Variants in HECW1 observed in about 807,000 individuals in gnomAD.
HECW1 encodes the protein E3 ubiquitin-protein ligase HECW1.
HECW1 carries 61 observed loss-of-function variants against 182.3 expected under a neutral mutation model. That is an observed-to-expected ratio of 0.33 (90% CI 0.27 to 0.41). The LOEUF is 0.41. Ranked by LOEUF, HECW1 falls within the 10% of genes least tolerant of loss-of-function variation. The pLI is 1.00. For missense variants in HECW1, 1,739 were observed against 2,108.9 expected, an observed-to-expected ratio of 0.82 and a Z score of 3.44; for synonymous variants, 859 against 832.6, an observed-to-expected ratio of 1.03 and a Z score of -0.55.
At chr7:43,343,487 A>G (rs1396513308) in intron 5 of HECW1, among the ~76,000 whole-genome samples, 2 of 151,586 alleles carry the variant, frequency 1.3e-5, no homozygotes, top group Non-Finnish European at 2.9e-5. Flanking sequence ...TCATTGTTCA[A>G]TTCCCACCTA....
intron 2 of HECW1, among the ~76,000 whole-genome samples, chr7:43,211,518 G>A (rs754107586): frequency 1.3e-5 from 2 of 152,136 alleles, no homozygotes; most frequent in Non-Finnish European, 2.9e-5. Flanking sequence ...CCTCCCACCA[G>A]AGGGCATGAT....
At chr7:43,216,449 C>T (rs1323136185) in intron 2 of HECW1, among the ~76,000 whole-genome samples, 1 of 152,094 alleles carries the variant, frequency 6.6e-6, no homozygotes, top group Non-Finnish European at 1.5e-5. Flanking sequence ...CCAGCCGAAG[C>T]AGGTTTTTAA....
At chr7:43,456,123 G>A (rs1054393038) in intron 12 of HECW1, among the ~76,000 whole-genome samples, 174 bp from the exon 13 acceptor site, 5 of 152,234 alleles carry the variant, frequency 3.3e-5, no homozygotes, top group Middle Eastern at 3.4e-3. Flanking sequence ...CTGAGCTCCC[G>A]AGTTCATGCC....
chr7:43,383,870 C>A (rs1388459831), intron 6 of HECW1, among the ~76,000 whole-genome samples: 1 of 151,976 alleles, frequency 6.6e-6, no homozygotes, highest in African/African-American at 2.4e-5. Context: ...GTATTATATA[C>A]CATATTCTTA....
chr7:43,506,545 AATG>A (rs2079583454), intron 21 of HECW1, among the ~76,000 whole-genome samples: 4 of 152,190 alleles, frequency 2.6e-5, no homozygotes, highest in Admixed American at 2.0e-4. Flanking sequence ...GAGTGATGGA[AATG>A]AAGGGCTTGT....
intron 3 of HECW1, among the ~76,000 whole-genome samples, chr7:43,263,798 G>T (rs991751643): frequency 2.6e-5 from 4 of 152,058 alleles, no homozygotes; most frequent in South Asian, 2.1e-4. Context: ...AGAAGAAGAG[G>T]CTGCAGGATT....
intron 2 of HECW1, among the ~76,000 whole-genome samples, chr7:43,234,311 A>G (rs991062092): frequency 3.5e-4 from 53 of 152,148 alleles, no homozygotes; most frequent in African/African-American, 1.3e-3. Flanking sequence ...TGCCAGCCAG[A>G]TCATGTCGCT....
In HECW1 at chr7:43,141,669, TGTATTTTTA is replaced by T. The variant is rs371757389; in HGVS notation, c.-32+27282_-32+27290del. On this transcript the variant is annotated intron_variant, in intron 2 of 29. Transcript: ENST00000395891. ...CATGCACCACCACCCCGGCTAATGT[TGTATTTTTA>T]GTAGAGACAGGGTTTCTCCATGTTG... is the stretch of plus-strand genomic sequence containing the variant. 4.8e-3 allele frequency among the ~76,000 whole-genome samples: 737 copies of T among 152,162 alleles called. 3 individuals are homozygous for T. Among genetic ancestry groups the T allele is most frequent in the African/African-American group, 0.017 (694 of 41,542 alleles).
intron 3 of HECW1, among the ~76,000 whole-genome samples, chr7:43,266,490 A>C (rs1801816364): frequency 6.6e-6 from 1 of 152,004 alleles, no homozygotes; most frequent in African/African-American, 2.4e-5. Context: ...ATCTGCCACC[A>C]CGCCCAGCTA....
At chr7:43,261,438 A>G (rs1257107809) in intron 3 of HECW1, among the ~76,000 whole-genome samples, 2 of 151,962 alleles carry the variant, frequency 1.3e-5, no homozygotes, top group African/African-American at 2.4e-5. Flanking sequence ...GCTCTTTCTC[A>G]CATGTTTGCT....
At chr7:43,388,307 C>G (rs551489924) in intron 6 of HECW1, among the ~76,000 whole-genome samples, 1 of 152,294 alleles carries the variant, frequency 6.6e-6, no homozygotes, top group South Asian at 2.1e-4. Flanking sequence ...ACAATAATGG[C>G]CAACATCACA....
chr7:43,146,400 C>T (rs1788714447), intron 2 of HECW1, among the ~76,000 whole-genome samples: 1 of 152,102 alleles, frequency 6.6e-6, no homozygotes, highest in Non-Finnish European at 1.5e-5. Context: ...GCAAAATTGC[C>T]TCTGGTTGGG....
At chr7:43,342,859 A>G (rs1813170903) in intron 5 of HECW1, among the ~76,000 whole-genome samples, 1 of 117,210 alleles carries the variant, frequency 8.5e-6, no homozygotes, top group Admixed American at 1.0e-4. Context: ...CCCTGTCTCT[A>G]CTAAAGATAC....
At chr7:43,541,315 C>T (rs2081357103) in intron 25 of HECW1, 54 bp downstream of exon 25, 1 of 1,342,628 alleles carries the variant, frequency 7.4e-7, no homozygotes, top group Admixed American at 1.7e-5. Flanking sequence ...AGGGCAAGGA[C>T]ACCGACCTCT....
At chr7:43,293,497 A>T (rs116182372) in intron 3 of HECW1, among the ~76,000 whole-genome samples, 1,844 of 152,244 alleles carry the variant, frequency 0.012, 42 homozygotes, top group African/African-American at 0.042. Context: ...TTACTTAAGC[A>T]TGGAAAGTTA....
At chr7:43,276,391 TA>T (rs1459128119) in intron 3 of HECW1, among the ~76,000 whole-genome samples, 1 of 152,194 alleles carries the variant, frequency 6.6e-6, no homozygotes, top group Non-Finnish European at 1.5e-5. Flanking sequence ...GCATTGATTT[TA>T]AAAGGATAAG....
chr7:43,113,779 G>T (rs1231673360), intron 1 of HECW1: 1 of 228,586 alleles, frequency 4.4e-6, no homozygotes, highest in Non-Finnish European at 8.7e-6. Context: ...CAAACAATGT[G>T]GCCCCTCCAT....
chr7:43,527,500 CTCTA>C (rs1318758432), intron 24 of HECW1, among the ~76,000 whole-genome samples: 1 of 152,204 alleles, frequency 6.6e-6, no homozygotes, highest in Non-Finnish European at 1.5e-5. Flanking sequence ...GTCCTCTCCT[CTCTA>C]TCTCTTATAA....
At chr7:43,503,181 C>T (rs1032783675) in intron 21 of HECW1, among the ~76,000 whole-genome samples, 2 of 152,226 alleles carry the variant, frequency 1.3e-5, no homozygotes, top group South Asian at 2.1e-4. Flanking sequence ...CTACCTCTGA[C>T]GCACAACATA....
Sources: allele counts gnomAD v4.1 joint callset (sites outside exome capture counted in the v4.1 genomes callset), GRCh38; gene constraint gnomAD v4.1.1; transcripts MANE v1.5; gene names NCBI Gene and HGNC (gene_info 2026-07-23, HGNC 2026-07-21).